Variants in PCDHA4 observed in about 807,000 individuals in gnomAD.
PCDHA4 encodes protocadherin alpha-4.
PCDHA4 carries 49 observed loss-of-function variants against 61.4 expected under a neutral mutation model. That is an observed-to-expected ratio of 0.80 (90% CI 0.63 to 1.01). PCDHA4 has a LOEUF of 1.01. PCDHA4 is among the 50% of genes least tolerant of loss of function. The pLI is 0.00. For synonymous variants in PCDHA4, 590 were observed against 550.3 expected (o/e 1.07, Z -1.01); for missense variants, 1,254 against 1,235.8 (o/e 1.01, Z -0.22).
chr5:140,995,674 A>G (rs1205485736), intron 3 of PCDHA4, among the ~76,000 whole-genome samples: 2 of 151,994 alleles, frequency 1.3e-5, no homozygotes, highest in East Asian at 3.9e-4. Flanking sequence ...TAAATGCAGC[A>G]TTTTTTTTAA....
Position 140,877,109 on chromosome 5 carries a change from G to A in PCDHA4, c.2385+67537G>A, listed in dbSNP as rs370191624. ...CGCGACGCCGGCGTGCCGCCTCTGG[G>A]CAGCAACGTGACGCTGCAGGTGTTC... is the stretch of plus-strand genomic sequence containing the variant. On this transcript the variant is annotated intron_variant, in intron 1 of 3. Transcript: ENST00000530339. The A allele has an allele frequency of 9.3e-6, 15 of 1,613,472 alleles. No individual in the cohort carries two copies. In the African/African-American group the frequency reaches 1.9e-4, roughly 20 times the overall value.
At chr5:140,842,733 G>T in intron 1 of PCDHA4, 1 of 1,595,054 alleles carries the variant, frequency 6.3e-7, no homozygotes, top group Middle Eastern at 1.8e-4. Context: ...AACCCGCCGG[G>T]CTGCCACATC....
chr5:140,882,351 G>A, intron 1 of PCDHA4: 1 of 1,614,214 alleles, frequency 6.2e-7, no homozygotes, highest in East Asian at 2.2e-5. Context: ...GAGACGGGTA[G>A]TGGCCAGCTC....
chr5:140,938,828 G>A (rs570802606), intron 1 of PCDHA4, among the ~76,000 whole-genome samples: 84 of 152,072 alleles, frequency 5.5e-4, no homozygotes, highest in Admixed American at 1.4e-3. Context: ...ATGAGTTTGC[G>A]TTATAACAAA....
At chr5:141,004,508 G>A (rs1554259596) in intron 3 of PCDHA4, among the ~76,000 whole-genome samples, 1 of 152,200 alleles carries the variant, frequency 6.6e-6, no homozygotes. Flanking sequence ...GCTGTGAGGG[G>A]CTCCCTCTGC....
chr5:140,928,100 T>C (rs1458420006), intron 1 of PCDHA4: 1 of 1,614,090 alleles, frequency 6.2e-7, no homozygotes, highest in African/African-American at 1.3e-5. Context: ...GATGGGCCCC[T>C]GGACCGGGAG....
At chr5:140,891,698 T>C (rs2063212804) in intron 1 of PCDHA4, among the ~76,000 whole-genome samples, 1 of 152,258 alleles carries the variant, frequency 6.6e-6, no homozygotes, top group Non-Finnish European at 1.5e-5. Context: ...TGCTGTTGTC[T>C]GAATTTGTAC....
chr5:140,955,832 G>A (rs2095230258), intron 1 of PCDHA4, among the ~76,000 whole-genome samples: 1 of 152,132 alleles, frequency 6.6e-6, no homozygotes, highest in South Asian at 2.1e-4. Flanking sequence ...TTGAGCAGTG[G>A]TTTGTCATTC....
At chr5:140,857,347 G>A (rs781930086) in intron 1 of PCDHA4, 5 of 1,598,352 alleles carry the variant, frequency 3.1e-6, no homozygotes, top group Non-Finnish European at 4.3e-6. Context: ...GCTCGCCTCC[G>A]CTGTGGGCCA....
intron 3 of PCDHA4, among the ~76,000 whole-genome samples, chr5:140,986,987 G>A (rs1269328331): frequency 2.6e-5 from 4 of 152,114 alleles, no homozygotes; most frequent in Non-Finnish European, 4.4e-5. Flanking sequence ...GCCAAGGCAG[G>A]CAGATCACTT....
chr5:140,832,197 C>T (rs1212075331), intron 1 of PCDHA4, among the ~76,000 whole-genome samples: 4 of 152,210 alleles, frequency 2.6e-5, no homozygotes, highest in Non-Finnish European at 5.9e-5. Context: ...ATTTAACCTG[C>T]TGAGTCCTCA....
At chr5:140,926,863 G>T (rs2083606655) in intron 1 of PCDHA4, 6 of 1,523,054 alleles carry the variant, frequency 3.9e-6, no homozygotes, top group Non-Finnish European at 5.3e-6. Flanking sequence ...GGTGTAGCGT[G>T]TTGGTGGAAC....
At chr5:140,887,357 A>G (rs112910602) in intron 1 of PCDHA4, among the ~76,000 whole-genome samples, 1 of 152,032 alleles carries the variant, frequency 6.6e-6, no homozygotes, top group Non-Finnish European at 1.5e-5. Flanking sequence ...CGGCCTCCCA[A>G]AGTGCTGGGA....
intron 1 of PCDHA4, chr5:140,868,985 C>A: frequency 1.3e-6 from 2 of 1,500,940 alleles, no homozygotes; most frequent in Non-Finnish European, 1.8e-6. Context: ...ATACCGGATG[C>A]CACCGTTTAA....
intron 1 of PCDHA4, chr5:140,871,259 C>A (rs1554165338): frequency 3.1e-6 from 5 of 1,613,958 alleles, no homozygotes; most frequent in Non-Finnish European, 4.2e-6. Context: ...CTGTATACGG[C>A]GCTGTGGTGG....
chr5:140,859,470 A>G (rs184833883), intron 1 of PCDHA4: 1 of 211,162 alleles, frequency 4.7e-6, no homozygotes, highest in South Asian at 1.3e-4. Context: ...TACACTATCA[A>G]TTGTGTTTTC....
chr5:140,936,798 T>C (rs2091152803), intron 1 of PCDHA4, among the ~76,000 whole-genome samples: 1 of 152,240 alleles, frequency 6.6e-6, no homozygotes, highest in Admixed American at 6.5e-5. Context: ...TGCTTCAAGA[T>C]TAACTTAGCT....
At chr5:140,919,498 C>A (rs1433099544) in intron 1 of PCDHA4, among the ~76,000 whole-genome samples, 1 of 152,022 alleles carries the variant, frequency 6.6e-6, no homozygotes, top group Non-Finnish European at 1.5e-5. Context: ...TTATTTTACT[C>A]CTTTTTCTAT....
chr5:140,869,858 T>C (rs1554163543), intron 1 of PCDHA4: 5 of 1,610,642 alleles, frequency 3.1e-6, no homozygotes, highest in East Asian at 4.5e-5. Context: ...GTGAGCCTTA[T>C]GGAAAATGCT....
Sources: allele counts gnomAD v4.1 joint callset (sites outside exome capture counted in the v4.1 genomes callset), GRCh38; gene constraint gnomAD v4.1.1; transcripts MANE v1.5; gene names NCBI Gene and HGNC (gene_info 2026-07-23, HGNC 2026-07-21).